MARCHF6: variants seen among roughly 807,000 people sequenced by gnomAD.
MARCHF6 encodes the protein E3 ubiquitin-protein ligase MARCHF6.
Under a neutral mutation model 133.7 loss-of-function variants are expected in MARCHF6, and 31 were observed. That is an observed-to-expected ratio of 0.23 (90% CI 0.17 to 0.31). The LOEUF (loss-of-function observed/expected upper bound fraction) is 0.31, where lower values mean the gene tolerates loss of function less well. Among genes scored for constraint, MARCHF6 ranks in the 10% least tolerant of loss-of-function variants. MARCHF6 has a pLI of 1.00. For synonymous variants in MARCHF6, 395 were observed against 402.5 expected (o/e 0.98, Z 0.22); for missense variants, 723 against 1,121.6 (o/e 0.64, Z 5.08).
At chr5:10,403,597 C>T (rs1738685504) in intron 15 of MARCHF6, 56 bp downstream of exon 15, 2 of 1,485,666 alleles carry the variant, frequency 1.3e-6, no homozygotes, top group Non-Finnish European at 1.8e-6. Context: ...CTTTTGCTTT[C>T]ACCACCAGTC....
rs1179997774 is a variant in MARCHF6, at chr5:10,435,998, G to A, written c.*2314G>A. Reference sequence around the variant, plus strand: ...CTCCCAAAGTGCTGGGATTATAGGTGTGAGCCCCCACGCCTGGCCAACTTG... The same window carrying A: ...CTCCCAAAGTGCTGGGATTATAGGTATGAGCCCCCACGCCTGGCCAACTTG... On this transcript the variant is annotated 3_prime_UTR_variant, in exon 26 of 26. Transcript: ENST00000274140. 6 of 151,666 alleles carry A rather than the reference G, an allele frequency of 4.0e-5. No individual in the cohort carries two copies. Among genetic ancestry groups the A allele is most frequent in the African/African-American group, 7.3e-5 (3 of 41,224 alleles). 9.4% of individuals were successfully genotyped at this position (151,666 alleles called of 1,614,324 possible). A position where few individuals can be genotyped will look rare whatever the true frequency, so the allele number is the denominator to read the frequency against.
Position 10,381,915 on chromosome 5 carries a change from A to C in MARCHF6, c.306A>C (p.Ala102=). 6.2e-7 allele frequency: 1 copy of C among 1,613,572 alleles called. No individual in the cohort carries two copies. ...YWFHYTLVAF[A]WLGVVPLTAC... is the part of the protein sequence containing the mutation. Reference sequence around the variant, plus strand: ...TTCATTATACACTTGTGGCCTTTGCATGGTTGGGAGTTGTTCCTCTTACAG... The same window carrying C: ...TTCATTATACACTTGTGGCCTTTGCCTGGTTGGGAGTTGTTCCTCTTACAG... The change falls in exon 4 of 26, where the codon GCA becomes GCC. Residue 102 remains alanine (A), a synonymous_variant. Coordinates refer to ENST00000274140, the MANE Select transcript of MARCHF6 (RefSeq NM_005885.4).
At chr5:10,364,999 C>T (rs1476107271) in intron 1 of MARCHF6, among the ~76,000 whole-genome samples, 2 of 151,882 alleles carry the variant, frequency 1.3e-5, no homozygotes, top group East Asian at 1.9e-4. Flanking sequence ...GACGGGGTTT[C>T]ACCATGTTGG....
chr5:10,366,564 G>A (rs1413637273), intron 1 of MARCHF6, among the ~76,000 whole-genome samples: 1 of 152,138 alleles, frequency 6.6e-6, no homozygotes, highest in Admixed American at 6.5e-5. Context: ...AGTGAAGGGG[G>A]ACAAATGTAG....
intron 25 of MARCHF6, among the ~76,000 whole-genome samples, chr5:10,433,146 T>G (rs1033085463): frequency 6.6e-6 from 1 of 152,200 alleles, no homozygotes; most frequent in African/African-American, 2.4e-5. Flanking sequence ...CGCCTCGGCC[T>G]CCCTACGTGC....
At chr5:10,404,242 A>G (rs550186635) in intron 15 of MARCHF6, among the ~76,000 whole-genome samples, 1 of 151,856 alleles carries the variant, frequency 6.6e-6, no homozygotes, top group African/African-American at 2.4e-5. Flanking sequence ...TAATTTTTGT[A>G]TTTTTAGTAG....
chr5:10,367,396 T>C (rs887398253), intron 1 of MARCHF6, among the ~76,000 whole-genome samples: 4 of 152,222 alleles, frequency 2.6e-5, no homozygotes, highest in African/African-American at 9.6e-5. Flanking sequence ...CTCTGTACTC[T>C]CTTCATATTT....
chr5:10,353,712 T>G lies in MARCHF6; in HGVS notation c.-187T>G. 3.1e-5 allele frequency: 2 copies of G among 64,972 alleles called. No homozygotes were observed. Among genetic ancestry groups the G allele is most frequent in the Non-Finnish European group, 3.2e-5 (1 of 31,622 alleles). 4.0% of individuals were successfully genotyped at this position (64,972 alleles called of 1,614,324 possible). On this transcript the variant is annotated 5_prime_UTR_variant, in exon 1 of 26. Transcript: ENST00000274140. ...CCCTAGGTGTTCCCGCCCCTCCCCCTCCCGTGTCGCTCGCTTTCTGTCAGC... is the reference window on the plus strand; with the variant it reads ...CCCTAGGTGTTCCCGCCCCTCCCCCGCCCGTGTCGCTCGCTTTCTGTCAGC...
chr5:10,437,852 C>A lies in MARCHF6; in HGVS notation c.*4168C>A, dbSNP rs1282259131. The A allele has an allele frequency of 6.6e-6, 1 of 152,158 alleles. No homozygotes were observed. Among genetic ancestry groups the A allele is most frequent in the Non-Finnish European group, 1.5e-5 (1 of 68,006 alleles). 9.4% of individuals were successfully genotyped at this position (152,158 alleles called of 1,614,324 possible). ...GAATAAAGTGAATGTTAATTGTAGTCTAGTTTTTTTGTTTGTTTTTGTGTT... is the reference window on the plus strand; with the variant it reads ...GAATAAAGTGAATGTTAATTGTAGTATAGTTTTTTTGTTTGTTTTTGTGTT... On this transcript the variant is annotated 3_prime_UTR_variant, in exon 26 of 26. Coordinates refer to ENST00000274140, the MANE Select transcript of MARCHF6 (RefSeq NM_005885.4).
chr5:10,406,292 A>G lies in MARCHF6; in HGVS notation c.1452+615A>G, dbSNP rs558893554. Among the ~76,000 whole-genome samples, 78 of 152,292 alleles carry G rather than the reference A, an allele frequency of 5.1e-4. No individual in the cohort carries two copies. The Middle Eastern group carries it at 0.01, about 20-fold the overall frequency. On this transcript the variant is annotated intron_variant, in intron 16 of 25. Coordinates refer to ENST00000274140, the MANE Select transcript of MARCHF6 (RefSeq NM_005885.4). ...ATTACGTTTAATTTGCATTGAAGCA[A>G]TGGAGACTTACTACTGGCTTGTAAA...
At chr5:10,407,952 A>ACCC (rs1579595406) in intron 17 of MARCHF6, among the ~76,000 whole-genome samples, 4 of 89,204 alleles carry the variant, frequency 4.5e-5, no homozygotes, top group African/African-American at 1.8e-4. Context: ...GTGAAACTGC[A>ACCC]TCCCCCCCCC....
intron 1 of MARCHF6, among the ~76,000 whole-genome samples, chr5:10,372,622 G>A (rs1736538839): frequency 6.6e-6 from 1 of 151,950 alleles, no homozygotes; most frequent in African/African-American, 2.4e-5. Context: ...TCTTCCTCTT[G>A]ACGAACTCCT....
chr5:10,415,068 C>T (rs1219887652), intron 20 of MARCHF6, among the ~76,000 whole-genome samples: 1 of 152,136 alleles, frequency 6.6e-6, no homozygotes, highest in African/African-American at 2.4e-5. Flanking sequence ...GATAGTTACT[C>T]TAAATTATTT....
intron 3 of MARCHF6, among the ~76,000 whole-genome samples, chr5:10,379,092 A>G (rs1030296271): frequency 2.0e-5 from 3 of 151,316 alleles, no homozygotes; most frequent in Admixed American, 6.6e-5. Context: ...AAATTTATTT[A>G]CTTTTAATTG....
chr5:10,426,613 A>G, intron 24 of MARCHF6, 91 bp downstream of exon 24: 2 of 1,327,472 alleles, frequency 1.5e-6, no homozygotes, highest in Admixed American at 2.3e-5. Context: ...GTCTCACTCC[A>G]TATGCTTTAT....
At chr5:10,433,461 G>A in intron 25 of MARCHF6, 133 bp from the exon 26 acceptor site, 2 of 663,056 alleles carry the variant, frequency 3.0e-6, no homozygotes. Flanking sequence ...CTTTACAGGT[G>A]TTCACTCGGG....
At position 10,439,324 on chromosome 5, in the gene MARCHF6, C is replaced by G. The variant is rs1199823496; in HGVS notation, c.*5640C>G. 1.3e-5 allele frequency: 2 copies of G among 152,146 alleles called. No individual in the cohort carries two copies. The highest frequency in any genetic ancestry group is 2.9e-5 in the Non-Finnish European group (2 of 68,032). The allele number at this position is 152,146 out of a possible 1,614,324, so 9.4% of individuals were successfully genotyped here. On this transcript the variant is annotated 3_prime_UTR_variant, in exon 26 of 26. Coordinates refer to ENST00000274140, the MANE Select transcript of MARCHF6 (RefSeq NM_005885.4). Reference sequence around the variant, plus strand: ...ATTAAAGTCCAAATGGATTATAGTTCCCCAAAACTGTATAATTTCTAGAAG... The same window carrying G: ...ATTAAAGTCCAAATGGATTATAGTTGCCCAAAACTGTATAATTTCTAGAAG...
chr5:10,368,549 G>T (rs115571773), intron 1 of MARCHF6, among the ~76,000 whole-genome samples: 5,549 of 152,160 alleles, frequency 0.036, 148 homozygotes, highest in Middle Eastern at 0.078. Flanking sequence ...GAGGCAGGAG[G>T]ATCACTTAAG....
Position 10,438,799 on chromosome 5 carries a change from G to C in MARCHF6, c.*5115G>C, listed in dbSNP as rs950717449. The C allele has an allele frequency of 3.9e-5, 6 of 152,148 alleles. No individual in the cohort carries two copies. The highest frequency in any genetic ancestry group is 1.4e-4 in the African/African-American group (6 of 41,414). The allele number at this position is 152,148 out of a possible 1,614,324, so 9.4% of individuals were successfully genotyped here. On this transcript the variant is annotated 3_prime_UTR_variant, in exon 26 of 26. Transcript: ENST00000274140. ...GAGAAAGGTTCACCCGGGAGAGATG[G>C]CCTAGCCACTTCCTTAGTGACTGTT...
Sources: gnomAD v4.1 joint callset for allele counts (sites outside exome capture counted in the v4.1 genomes callset) on GRCh38, gnomAD v4.1.1 for gene constraint, MANE v1.5 for transcripts, NCBI Gene and HGNC (gene_info 2026-07-23, HGNC 2026-07-21) for gene names.